PHKA1: variants seen among roughly 807,000 people sequenced by gnomAD.
PHKA1 encodes the protein phosphorylase b kinase regulatory subunit alpha, skeletal muscle isoform.
Under a neutral mutation model 110.2 loss-of-function variants are expected in PHKA1, and 60 were observed. The observed-to-expected ratio is 0.54, with a 90% CI of 0.44 to 0.68. PHKA1 has a LOEUF of 0.68. PHKA1 is among the 30% of genes least tolerant of loss of function. The pLI is 0.00. For missense variants in PHKA1, 801 were observed against 942.5 expected, an observed-to-expected ratio of 0.85 and a Z score of 1.97; for synonymous variants, 316 against 333.6, an observed-to-expected ratio of 0.95 and a Z score of 0.58.
At chrX:72,683,871 T>C (rs150470158) in intron 5 of PHKA1, among the ~76,000 whole-genome samples, 32 of 112,686 alleles carry the variant, frequency 2.8e-4, no homozygotes, top group Non-Finnish European at 5.4e-4. Flanking sequence ...CATTTACTTG[T>C]TGATAGATAT....
chrX:72,693,110 T>A (rs2054061058), intron 4 of PHKA1, among the ~76,000 whole-genome samples: 2 of 111,538 alleles, frequency 1.8e-5, no homozygotes, highest in South Asian at 7.5e-4. Context: ...AATTTCCATA[T>A]ATTTGTGAGA....
intron 6 of PHKA1, among the ~76,000 whole-genome samples, 198 bp from the exon 7 acceptor site, chrX:72,667,671 A>G (rs2053629583): frequency 8.9e-6 from 1 of 112,268 alleles, no homozygotes; most frequent in African/African-American, 3.2e-5. Flanking sequence ...AGAGAAAGTT[A>G]AAAAGGAGTC....
intron 2 of PHKA1, 102 bp from the exon 3 acceptor site, chrX:72,705,347 C>A: frequency 1.7e-6 from 1 of 578,794 alleles, no homozygotes; most frequent in Admixed American, 2.4e-5. Context: ...GAACAAGTAA[C>A]CCTATCCTGT....
At chrX:72,622,474 TCTGC>T in intron 18 of PHKA1, 1 of 754,258 alleles carries the variant, frequency 1.3e-6, no homozygotes, top group Non-Finnish European at 1.6e-6. Flanking sequence ...TAATGCCTGC[TCTGC>T]CTAAGTCAGT....
rs1556249639 is a variant in PHKA1, at chrX:72,605,544, T to C, written c.2682A>G (p.Thr894=). 8.3e-7 allele frequency: 1 copy of C among 1,200,514 alleles called. No individual in the cohort carries two copies. Among genetic ancestry groups the C allele is most frequent in the Non-Finnish European group, 1.1e-6 (1 of 885,129 alleles). ...TAGCCTTTACAATTCTTCTCACCTG[T>C]GTAAGGATTGAAATGCTCATATCCC... ...SEGDMSISIL[T]QEIMVYLAMY... is the part of the protein sequence containing the mutation. Residue 894 remains threonine (T), a synonymous_variant, in exon 24 of 32, where the codon ACA becomes ACG. Coordinates refer to ENST00000373542, the MANE Select transcript of PHKA1 (RefSeq NM_002637.4).
intron 23 of PHKA1, 50 bp downstream of exon 23, chrX:72,609,574 T>G: frequency 4.6e-6 from 4 of 875,695 alleles, no homozygotes; most frequent in Non-Finnish European, 6.8e-6. Context: ...GAATTCTAAG[T>G]CCACACCACT....
chrX:72,670,771 C>T (rs1206809093), intron 6 of PHKA1, among the ~76,000 whole-genome samples: 3 of 111,929 alleles, frequency 2.7e-5, no homozygotes, highest in African/African-American at 6.5e-5. Context: ...GGATGCAAGG[C>T]TGGTTCAATA....
At position 72,676,135 on chromosome X, in the gene PHKA1, C is replaced by T; in HGVS notation, c.553G>A (p.Glu185Lys). 1.7e-6 allele frequency: 2 copies of T among 1,206,494 alleles called. No homozygotes were observed. The highest frequency in any genetic ancestry group is 3.0e-5 in the East Asian group (1 of 33,800). Residue 185 changes from glutamate to lysine, a missense_variant, in exon 6 of 32, where the codon GAA becomes AAA. Physicochemically the swap from Glu to Lys is moderately conservative, Grantham distance 56. Transcript: ENST00000373542. The part of the protein sequence containing the change: ...AYKTADFGIW[E>K]RGDKTNQGIS... ...CCTTGGTTGGTCTTGTCTCCACGTT[C>T]CCATATCCCGAAGTCCTGGCATAAA...
rs782381398 is a variant in PHKA1 at position 72,580,311 on chromosome X, G to A, written c.*691C>T. 8.9e-6 allele frequency: 1 copy of A among 112,260 alleles called. No individual in the cohort carries two copies. The allele number at this position is 112,260 out of a possible 1,213,427, so 9.3% of individuals were successfully genotyped here. Reference sequence around the variant, plus strand: ...AGTTCAGAAATTCTTAAATATGCATGCTGTACTTGCATTTTTTTGATATTT... The same window carrying A: ...AGTTCAGAAATTCTTAAATATGCATACTGTACTTGCATTTTTTTGATATTT... On this transcript the variant is annotated 3_prime_UTR_variant, in exon 32 of 32. Transcript: ENST00000373542.
chrX:72,699,033 T>C (rs2054166089), intron 3 of PHKA1, among the ~76,000 whole-genome samples: 1 of 112,007 alleles, frequency 8.9e-6, no homozygotes, highest in Admixed American at 9.5e-5. Flanking sequence ...GATATAAAGT[T>C]ATATTAAATA....
chrX:72,666,266 G>GA lies in PHKA1; in HGVS notation c.748dup (p.Ser250PhefsTer7). On this transcript the variant is annotated frameshift_variant, in exon 8 of 32. Transcript: ENST00000373542. LOFTEE classifies it high-confidence loss of function. Reference sequence around the variant, plus strand: ...ACTAGCATCAACCTCTTTTGATGTTGAAGCACGGGGCAGTAGTGAATTTAG... The same window carrying GA: ...ACTAGCATCAACCTCTTTTGATGTTGAAAGCACGGGGCAGTAGTGAATTTAG... 8.3e-7 allele frequency: 1 copy of GA among 1,209,541 alleles called. No individual in the cohort carries two copies. Among genetic ancestry groups the GA allele is most frequent in the East Asian group, 3.0e-5 (1 of 33,832 alleles).
At chrX:72,613,284 G>C (rs1056988191) in intron 21 of PHKA1, among the ~76,000 whole-genome samples, 1 of 111,042 alleles carries the variant, frequency 9.0e-6, no homozygotes, top group Non-Finnish European at 1.9e-5. Context: ...GTAGAGCTGT[G>C]TGTATACTAT....
intron 3 of PHKA1, among the ~76,000 whole-genome samples, chrX:72,699,008 C>T (rs2054165960): frequency 9.0e-6 from 1 of 111,436 alleles, no homozygotes; most frequent in Non-Finnish European, 1.9e-5. Flanking sequence ...TGCAGAAAAA[C>T]TGGTCATAAT....
intron 5 of PHKA1, among the ~76,000 whole-genome samples, chrX:72,681,989 C>A (rs2053889009): frequency 1.9e-5 from 1 of 52,913 alleles, no homozygotes; most frequent in Non-Finnish European, 3.6e-5. Flanking sequence ...AAGTGAGGAG[C>A]CCCTCTGCCC....
chrX:72,686,503 G>C (rs782227430), intron 4 of PHKA1, among the ~76,000 whole-genome samples: 1 of 111,617 alleles, frequency 9.0e-6, no homozygotes, highest in South Asian at 3.8e-4. Context: ...TTCACTGAAC[G>C]GTTACTCATG....
chrX:72,650,897 T>C, intron 12 of PHKA1, among the ~76,000 whole-genome samples: 1 of 111,426 alleles, frequency 9.0e-6, no homozygotes, highest in East Asian at 2.9e-4. Context: ...AATTAGTTTA[T>C]TCATGGAGAC....
chrX:72,598,018 T>C (rs1299888772), intron 28 of PHKA1, among the ~76,000 whole-genome samples: 1 of 111,851 alleles, frequency 8.9e-6, no homozygotes, highest in Non-Finnish European at 1.9e-5. Flanking sequence ...AATTGGACTT[T>C]GTGGAAATCA....
intron 26 of PHKA1, 73 bp from the exon 27 acceptor site, chrX:72,602,346 A>G (rs1021847080): frequency 2.7e-5 from 17 of 625,073 alleles, no homozygotes; most frequent in South Asian, 2.2e-4. Context: ...CACATTTAAA[A>G]AAAACTTTCA....
In PHKA1 at chrX:72,713,700, A is replaced by ACC. The variant is rs879970263; in HGVS notation, c.78+101_78+102dup. 3.3e-3 allele frequency: 2,066 copies of ACC among 618,577 alleles called. 11 individuals carry two copies. Among genetic ancestry groups the ACC allele is most frequent in the African/African-American group, 0.022 (942 of 43,037 alleles). The allele number at this position is 618,577 out of a possible 1,213,427, so 51.0% of individuals were successfully genotyped here. ...CACACACACACACACACACACACAC[A>ACC]CCCACACACGCACGCACGCACGGAG... On this transcript the variant is annotated intron_variant, in intron 1 of 31. Transcript: ENST00000373542.
Sources: gnomAD v4.1 joint callset for allele counts (sites outside exome capture counted in the v4.1 genomes callset) on GRCh38, gnomAD v4.1.1 for gene constraint, MANE v1.5 for transcripts, NCBI Gene and HGNC (gene_info 2026-07-23, HGNC 2026-07-21) for gene names.